NEK11: variants seen among roughly 807,000 people sequenced by gnomAD.
NEK11 encodes serine/threonine-protein kinase Nek11.
NEK11 carries 72 observed loss-of-function variants against 80.7 expected under a neutral mutation model. The observed-to-expected ratio is 0.89, with a 90% CI of 0.74 to 1.08. The LOEUF is 1.08. Among genes scored for constraint, NEK11 ranks in the 50% least tolerant of loss-of-function variants. The pLI is 0.00. For missense variants in NEK11, 764 were observed against 763.6 expected (o/e 1.00, Z -0.01); for synonymous variants, 251 against 260.7 (o/e 0.96, Z 0.36).
intron 5 of NEK11, 118 bp from the exon 6 acceptor site, chr3:131,132,627 A>G (rs2084702158): frequency 5.3e-6 from 3 of 562,038 alleles, no homozygotes; most frequent in East Asian, 3.6e-5. Context: ...ATTGAAAGAT[A>G]TATCTATGGG....
At chr3:131,147,553 C>T (rs2088635007) in intron 7 of NEK11, among the ~76,000 whole-genome samples, 2 of 151,834 alleles carry the variant, frequency 1.3e-5, no homozygotes, top group South Asian at 2.1e-4. Context: ...GTTTAATTGC[C>T]GTGGCTATTC....
intron 14 of NEK11, among the ~76,000 whole-genome samples, chr3:131,174,295 A>G (rs1322457056): frequency 1.3e-5 from 2 of 152,232 alleles, no homozygotes; most frequent in Non-Finnish European, 2.9e-5. Context: ...ATTTTGAAAC[A>G]TGAGACTTAA....
intron 5 of NEK11, among the ~76,000 whole-genome samples, chr3:131,118,061 A>G (rs2081611366): frequency 1.3e-5 from 2 of 152,218 alleles, no homozygotes; most frequent in African/African-American, 2.4e-5. Flanking sequence ...CAGTTTTCAA[A>G]CAGAATGCTT....
At chr3:131,337,033 C>T (rs1473499167) in intron 17 of NEK11, among the ~76,000 whole-genome samples, 1 of 152,112 alleles carries the variant, frequency 6.6e-6, no homozygotes, top group African/African-American at 2.4e-5. Context: ...TAAACTAGTT[C>T]AACCATTGTG....
intron 14 of NEK11, among the ~76,000 whole-genome samples, chr3:131,207,026 A>G (rs968490159): frequency 3.3e-5 from 5 of 152,296 alleles, no homozygotes; most frequent in Middle Eastern, 3.4e-3. Context: ...ATAGTATTCC[A>G]TGGTGTATAT....
At chr3:131,268,097 G>C (rs11921126) in intron 16 of NEK11, among the ~76,000 whole-genome samples, 4 of 151,986 alleles carry the variant, frequency 2.6e-5, no homozygotes, top group Non-Finnish European at 5.9e-5. Context: ...CAAAGTTCTC[G>C]TGCTGTGTTT....
intron 17 of NEK11, among the ~76,000 whole-genome samples, chr3:131,295,782 G>A (rs369377258): frequency 2.0e-4 from 31 of 151,948 alleles, no homozygotes; most frequent in African/African-American, 7.5e-4. Flanking sequence ...TTTTTTAGTG[G>A]TTGCCCTAGA....
intron 17 of NEK11, among the ~76,000 whole-genome samples, chr3:131,298,133 A>G (rs963420577): frequency 2.0e-5 from 3 of 151,960 alleles, no homozygotes; most frequent in Non-Finnish European, 4.4e-5. Context: ...CTTAGGATTG[A>G]CTTGGTGATG....
At chr3:131,134,276 C>A (rs2085100491) in intron 7 of NEK11, 1 of 193,170 alleles carries the variant, frequency 5.2e-6, no homozygotes, top group African/African-American at 2.3e-5. Flanking sequence ...TATTTGTAAC[C>A]CTAAGTACTG....
At position 131,040,476 on chromosome 3, in the gene NEK11, A is replaced by T. The variant is rs539459922; in HGVS notation, c.170+10598A>T. 2.6e-5 allele frequency among the ~76,000 whole-genome samples: 4 copies of T among 152,326 alleles called. No individual in the cohort carries two copies. The South Asian group carries it at 8.3e-4, about 32-fold the overall frequency. ...ACACTTAAAATATGTGCAGTGTATT[A>T]TGTCAATTGTACCTTAACAATTGTG... On this transcript the variant is annotated intron_variant, in intron 3 of 17. Transcript: ENST00000383366.
chr3:131,092,274 G>C (rs1334907591), intron 4 of NEK11, among the ~76,000 whole-genome samples: 1 of 152,170 alleles, frequency 6.6e-6, no homozygotes, highest in African/African-American at 2.4e-5. Context: ...ACAGTAGTGA[G>C]ACCATTTGAT....
At chr3:131,267,606 C>T (rs2096085565) in intron 16 of NEK11, among the ~76,000 whole-genome samples, 1 of 152,206 alleles carries the variant, frequency 6.6e-6, no homozygotes, top group African/African-American at 2.4e-5. Flanking sequence ...ACCTTTCTCT[C>T]TCTTCTGGCT....
intron 17 of NEK11, among the ~76,000 whole-genome samples, chr3:131,277,089 T>A (rs1240382048): frequency 6.6e-6 from 1 of 152,198 alleles, no homozygotes; most frequent in Non-Finnish European, 1.5e-5. Context: ...GTAGCCTACA[T>A]AAGAAATATT....
intron 17 of NEK11, chr3:131,325,402 G>C (rs542718456): frequency 6.6e-6 from 1 of 151,736 alleles, no homozygotes; most frequent in Admixed American, 6.6e-5. Flanking sequence ...TTAATTCTTG[G>C]TGGTGATAAA....
At chr3:131,041,354 C>T (rs77228828) in intron 3 of NEK11, among the ~76,000 whole-genome samples, 2,297 of 152,234 alleles carry the variant, frequency 0.015, 69 homozygotes, top group African/African-American at 0.052. Flanking sequence ...TCTGAAATTG[C>T]ATTTTAAGTA....
At chr3:131,304,479 T>C (rs149962705) in intron 17 of NEK11, among the ~76,000 whole-genome samples, 152 of 152,366 alleles carry the variant, frequency 1.0e-3, no homozygotes, top group African/African-American at 3.6e-3. Flanking sequence ...CTCTGACTTT[T>C]TGAGTTGCCA....
At chr3:131,039,472 C>T (rs749477639) in intron 3 of NEK11, among the ~76,000 whole-genome samples, 7 of 152,186 alleles carry the variant, frequency 4.6e-5, no homozygotes, top group Non-Finnish European at 8.8e-5. Flanking sequence ...CAGCTCTCTT[C>T]CTGGCAGACA....
intron 16 of NEK11, among the ~76,000 whole-genome samples, chr3:131,271,812 C>T (rs547266684): frequency 3.4e-5 from 5 of 146,348 alleles, no homozygotes; most frequent in African/African-American, 7.6e-5. Flanking sequence ...ATAAAAAGGT[C>T]GGGTGTGGTG....
chr3:131,196,846 C>CTTTTT (rs112705042), intron 14 of NEK11, among the ~76,000 whole-genome samples: 4 of 138,136 alleles, frequency 2.9e-5, no homozygotes, highest in East Asian at 2.0e-4. Flanking sequence ...CTTTTCTTTT[C>CTTTTT]TTTTTTTTTT....
Sources: allele counts gnomAD v4.1 joint callset (sites outside exome capture counted in the v4.1 genomes callset), GRCh38; gene constraint gnomAD v4.1.1; transcripts MANE v1.5; gene names NCBI Gene and HGNC (gene_info 2026-07-23, HGNC 2026-07-21).